LRP1B: variants seen among roughly 807,000 people sequenced by gnomAD.
The protein encoded by LRP1B is LDL receptor related protein 1B.
Under a neutral mutation model 556.6 loss-of-function variants are expected in LRP1B, and 217 were observed. The observed-to-expected ratio is 0.39, with a 90% CI of 0.35 to 0.44. The LOEUF is 0.44. LRP1B is among the 20% of genes least tolerant of loss of function. The pLI, the probability that LRP1B is intolerant of heterozygous loss-of-function variation, is 1.00. For missense variants in LRP1B, 5,053 were observed against 5,620.8 expected, an observed-to-expected ratio of 0.90 and a Z score of 3.23; for synonymous variants, 2,047 against 1,865.8, an observed-to-expected ratio of 1.10 and a Z score of -2.50.
chr2:140,546,243 A>G (rs923702619), intron 43 of LRP1B, among the ~76,000 whole-genome samples: 1 of 151,916 alleles, frequency 6.6e-6, no homozygotes, highest in Non-Finnish European at 1.5e-5. Context: ...GGATATTTTG[A>G]TTTCCTCTTT....
At chr2:141,275,224 A>G (rs2714200) in intron 3 of LRP1B, among the ~76,000 whole-genome samples, 20,402 of 152,282 alleles carry the variant, frequency 0.13, 1,410 homozygotes, top group South Asian at 0.22. Flanking sequence ...TTCATAGCAT[A>G]CTATGTGGTT....
At chr2:141,275,649 G>A (rs993939171) in intron 3 of LRP1B, among the ~76,000 whole-genome samples, 3 of 152,240 alleles carry the variant, frequency 2.0e-5, no homozygotes, top group East Asian at 3.9e-4. Flanking sequence ...GAAGGTTGAC[G>A]CTGCAGTAAG....
At chr2:141,246,398 AC>A (rs1661847075) in intron 5 of LRP1B, among the ~76,000 whole-genome samples, 1 of 152,236 alleles carries the variant, frequency 6.6e-6, no homozygotes, top group South Asian at 2.1e-4. Flanking sequence ...GGGAAATGAT[AC>A]CAGGCCATTA....
intron 2 of LRP1B, among the ~76,000 whole-genome samples, chr2:141,534,402 C>A (rs1684994844): frequency 6.6e-6 from 1 of 152,118 alleles, no homozygotes; most frequent in South Asian, 2.1e-4. Flanking sequence ...CATTACCAAG[C>A]CTTTTGACAG....
chr2:140,758,770 G>C (rs1262038172), intron 35 of LRP1B, among the ~76,000 whole-genome samples: 1 of 151,824 alleles, frequency 6.6e-6, no homozygotes, highest in East Asian at 1.9e-4. Context: ...TATTAGGAGA[G>C]AGGAGTAAAG....
intron 7 of LRP1B, among the ~76,000 whole-genome samples, chr2:141,071,642 A>G (rs1349834570): frequency 6.6e-6 from 1 of 152,114 alleles, no homozygotes; most frequent in Non-Finnish European, 1.5e-5. Context: ...AGCTGACAAG[A>G]AACTTCAGCA....
intron 2 of LRP1B, among the ~76,000 whole-genome samples, chr2:141,538,335 T>G (rs940067035): frequency 6.6e-6 from 1 of 152,172 alleles, no homozygotes; most frequent in African/African-American, 2.4e-5. Flanking sequence ...TAGTTCAAAA[T>G]CTTCCCTCTC....
intron 87 of LRP1B, among the ~76,000 whole-genome samples, chr2:140,240,018 T>C (rs1680879594): frequency 6.6e-6 from 1 of 150,848 alleles, no homozygotes; most frequent in Non-Finnish European, 1.5e-5. Flanking sequence ...GGTATCAGTG[T>C]TTGATTTGGA....
chr2:140,937,040 T>C (rs1036525375), intron 20 of LRP1B, among the ~76,000 whole-genome samples: 2 of 152,138 alleles, frequency 1.3e-5, no homozygotes, highest in Admixed American at 6.6e-5. Context: ...AATTAGAGTG[T>C]TATAACTTTA....
chr2:142,036,572 C>T (rs919689874), intron 1 of LRP1B, among the ~76,000 whole-genome samples: 3 of 151,494 alleles, frequency 2.0e-5, no homozygotes, highest in African/African-American at 7.3e-5. Context: ...CCAACATTAT[C>T]TAAGAAAAAT....
intron 3 of LRP1B, among the ~76,000 whole-genome samples, chr2:141,388,074 G>A (rs753767441): frequency 2.6e-5 from 4 of 152,124 alleles, no homozygotes; most frequent in African/African-American, 4.8e-5. Context: ...ATAAAATGAA[G>A]GGAAGAAACA....
intron 35 of LRP1B, among the ~76,000 whole-genome samples, chr2:140,727,698 C>G (rs1687642947): frequency 6.6e-6 from 1 of 152,170 alleles, no homozygotes; most frequent in African/African-American, 2.4e-5. Flanking sequence ...TGAGCATAAA[C>G]TATGATGACA....
Position 141,678,566 on chromosome 2 carries a change from A to G in LRP1B, c.205+131713T>C, listed in dbSNP as rs528598358. On this transcript the variant is annotated intron_variant, in intron 2 of 90. Coordinates refer to ENST00000389484, the MANE Select transcript of LRP1B (RefSeq NM_018557.3). ...GGTTTTGTCAATGCGGATAGAAGAA[A>G]TGGGAGAGAAAGTATATCAAATTCA... 1.2e-4 allele frequency among the ~76,000 whole-genome samples: 18 copies of G among 152,296 alleles called. No individual in the cohort carries two copies. In the South Asian group the frequency reaches 3.7e-3, roughly 32 times the overall value.
chr2:141,243,951 C>G lies in LRP1B; in HGVS notation c.592+3275G>C, dbSNP rs72855058. On this transcript the variant is annotated intron_variant, in intron 5 of 90. Coordinates refer to ENST00000389484, the MANE Select transcript of LRP1B (RefSeq NM_018557.3). The stretch of plus-strand genomic sequence containing the variant: ...ATGCTCTTAAGGCTTATGAATTTTA[C>G]TCGGGTTCAGGTATTATATTACAAA... 4.8e-3 allele frequency among the ~76,000 whole-genome samples: 732 copies of G among 152,240 alleles called. 2 individuals carry two copies. Among genetic ancestry groups the G allele is most frequent in the Middle Eastern group, 0.021 (6 of 292 alleles).
At chr2:140,524,317 A>G (rs1690325003) in intron 49 of LRP1B, among the ~76,000 whole-genome samples, 1 of 151,910 alleles carries the variant, frequency 6.6e-6, no homozygotes, top group African/African-American at 2.4e-5. Context: ...AAAAAGTCAA[A>G]AAGTAAGATG....
At chr2:141,095,396 G>A in intron 7 of LRP1B, among the ~76,000 whole-genome samples, 1 of 78,824 alleles carries the variant, frequency 1.3e-5, no homozygotes, top group African/African-American at 4.1e-5. Context: ...TTTTGCAAAG[G>A]GTAGTAATCG....
At chr2:141,427,243 G>C (rs1320250658) in intron 3 of LRP1B, among the ~76,000 whole-genome samples, 1 of 152,184 alleles carries the variant, frequency 6.6e-6, no homozygotes, top group East Asian at 1.9e-4. Flanking sequence ...ATATATTTAT[G>C]TGTGAACCTG....
intron 3 of LRP1B, among the ~76,000 whole-genome samples, chr2:141,449,161 C>G (rs1681311987): frequency 6.6e-6 from 1 of 152,042 alleles, no homozygotes; most frequent in African/African-American, 2.4e-5. Flanking sequence ...CCCTTTTATT[C>G]TAGTTGGAAA....
chr2:141,579,860 C>T (rs757641009), intron 2 of LRP1B, among the ~76,000 whole-genome samples: 4 of 151,532 alleles, frequency 2.6e-5, no homozygotes, highest in African/African-American at 4.9e-5. Flanking sequence ...CCACCACACC[C>T]GGCTAACTTT....
Sources: gnomAD v4.1 joint callset for allele counts (sites outside exome capture counted in the v4.1 genomes callset) on GRCh38, gnomAD v4.1.1 for gene constraint, MANE v1.5 for transcripts, NCBI Gene and HGNC (gene_info 2026-07-23, HGNC 2026-07-21) for gene names.